ODF2: variants seen among roughly 807,000 people sequenced by gnomAD.
ODF2 encodes outer dense fiber protein 2.
A neutral mutation model predicts 110.2 loss-of-function variants in ODF2; 47 were observed. The observed-to-expected ratio is 0.43, with a 90% CI of 0.34 to 0.54. The LOEUF (loss-of-function observed/expected upper bound fraction) is 0.54, where lower values mean the gene tolerates loss of function less well. ODF2 is among the 20% of genes least tolerant of loss of function. ODF2 has a pLI of 0.03. For synonymous variants in ODF2, 352 were observed against 397.7 expected (o/e 0.89, Z 1.37); for missense variants, 812 against 1,054.5 (o/e 0.77, Z 3.19).
At chr9:128,477,130 G>A (rs570809502) in intron 8 of ODF2, among the ~76,000 whole-genome samples, 16 of 151,640 alleles carry the variant, frequency 1.1e-4, no homozygotes, top group African/African-American at 3.9e-4. Context: ...TACTCGGGAG[G>A]CTGAGGCAGG....
intron 9 of ODF2, 151 bp downstream of exon 9, chr9:128,481,802 T>C: frequency 3.4e-6 from 2 of 590,190 alleles, no homozygotes; most frequent in Non-Finnish European, 5.9e-6. Flanking sequence ...GCTGATGTCC[T>C]CCTGTCACGC....
chr9:128,459,552 T>G lies in ODF2; in HGVS notation c.33-15T>G. The G allele has an allele frequency of 1.2e-6, 2 of 1,610,112 alleles. No homozygotes were observed. Among genetic ancestry groups the G allele is most frequent in the Non-Finnish European group, 1.7e-6 (2 of 1,177,064 alleles). ...AGTTTTCTGCTTACAATCTGGTTCT[T>G]GTGCCTGGGTGCAGGTTTCCATCGT... On this transcript the variant is annotated splice_polypyrimidine_tract_variant and intron_variant, in intron 2 of 20. Transcript: ENST00000604420.
At position 128,485,582 on chromosome 9, in the gene ODF2, C is replaced by T; in HGVS notation, c.1400+108C>T. 1.5e-6 allele frequency: 1 copy of T among 652,056 alleles called. No homozygotes were observed. Among genetic ancestry groups the T allele is most frequent in the Non-Finnish European group, 2.8e-6 (1 of 357,624 alleles). 40.4% of individuals were successfully genotyped at this position (652,056 alleles called of 1,614,324 possible). ...AGGCCACGTGGCTGCTGTTTGTACTCTCCGGGTTGGGGGCTGCACTGGGCT... is the reference window on the plus strand; with the variant it reads ...AGGCCACGTGGCTGCTGTTTGTACTTTCCGGGTTGGGGGCTGCACTGGGCT... On this transcript the variant is annotated intron_variant, in intron 13 of 20. Transcript: ENST00000604420. The surrounding 1 kb of genome is among the most constrained non-coding windows in gnomAD (Gnocchi z 5.0).
chr9:128,486,670 AG>A (rs1266785466), intron 13 of ODF2, among the ~76,000 whole-genome samples: 1 of 152,222 alleles, frequency 6.6e-6, no homozygotes, highest in East Asian at 1.9e-4. Context: ...AGGCAGCAGC[AG>A]GGAGCAGAAG....
At chr9:128,498,724 C>G (rs765580959) in intron 19 of ODF2, 149 bp downstream of exon 19, 8 of 645,648 alleles carry the variant, frequency 1.2e-5, no homozygotes, top group Non-Finnish European at 2.2e-5. Flanking sequence ...GTAGAGGGCT[C>G]AGCACTTGAT....
chr9:128,461,808 T>G (rs940523358), intron 4 of ODF2, among the ~76,000 whole-genome samples: 6 of 152,212 alleles, frequency 3.9e-5, no homozygotes, highest in Admixed American at 2.6e-4. Flanking sequence ...AGTAACTCCT[T>G]GAAGTTTATA....
intron 4 of ODF2, among the ~76,000 whole-genome samples, chr9:128,462,249 C>CAAGCGATTCTCCTA (rs1422604570): frequency 6.6e-6 from 1 of 151,068 alleles, no homozygotes; most frequent in Non-Finnish European, 1.5e-5. Context: ...CCTCCTGGGT[C>CAAGCGATTCTCCTA]AAGCGATTCT....
intron 1 of ODF2, chr9:128,457,154 C>A: frequency 6.7e-7 from 1 of 1,486,814 alleles, no homozygotes; most frequent in Non-Finnish European, 9.0e-7. Context: ...CTCCCCTCTG[C>A]CCCCAGGTCG....
At chr9:128,498,850 G>A (rs1846080752) in intron 19 of ODF2, 151 bp from the exon 20 acceptor site, 1 of 1,086,766 alleles carries the variant, frequency 9.2e-7, no homozygotes, top group East Asian at 2.4e-5. Flanking sequence ...AGTCCCCATA[G>A]TTAGTTCCTG....
chr9:128,489,095 G>T (rs527637819), intron 14 of ODF2, among the ~76,000 whole-genome samples: 144 of 152,328 alleles, frequency 9.5e-4, no homozygotes, highest in African/African-American at 3.4e-3. Flanking sequence ...GGAAGTATCA[G>T]AGTTGAGATT....
upstream of ODF2, chr9:128,456,148 T>C (rs2131374234): frequency 6.5e-7 from 1 of 1,548,704 alleles, no homozygotes. Flanking sequence ...GAGGAGCCGC[T>C]GCCAGAGCCA....
chr9:128,461,602 A>G (rs1836475605), intron 4 of ODF2, among the ~76,000 whole-genome samples: 5 of 152,076 alleles, frequency 3.3e-5, no homozygotes, highest in Non-Finnish European at 5.9e-5. Flanking sequence ...AATTTTTAGT[A>G]GAGATGGGGT....
At chr9:128,492,950 A>G (rs1252735594) in intron 16 of ODF2, 145 bp downstream of exon 16, 4 of 632,680 alleles carry the variant, frequency 6.3e-6, no homozygotes, top group Non-Finnish European at 1.1e-5. Context: ...GGGCTCATCC[A>G]CTCTACCCTG....
At chr9:128,461,910 T>C (rs7032246) in intron 4 of ODF2, among the ~76,000 whole-genome samples, 44,751 of 151,988 alleles carry the variant, frequency 0.29, 7,684 homozygotes, top group East Asian at 0.47. Flanking sequence ...AGTATGGGGC[T>C]TTCTTAGGAT....
chr9:128,498,603 C>G (rs1846046207), intron 19 of ODF2, 28 bp downstream of exon 19: 1 of 1,301,762 alleles, frequency 7.7e-7, no homozygotes, highest in Non-Finnish European at 1.1e-6. Context: ...GAATGACTAG[C>G]TCTGTGACCT....
At chr9:128,456,851 G>T (rs750227438) in intron 1 of ODF2, 56 of 1,299,098 alleles carry the variant, frequency 4.3e-5, no homozygotes, top group Middle Eastern at 2.9e-4. Context: ...CCCGGGGCCC[G>T]TGCAACCTCC....
intron 8 of ODF2, among the ~76,000 whole-genome samples, chr9:128,475,241 T>C (rs1841011451): frequency 2.0e-5 from 3 of 152,180 alleles, no homozygotes; most frequent in Admixed American, 2.0e-4. Flanking sequence ...ACAAATACTG[T>C]GCCATTTTAT....
At chr9:128,466,970 C>T (rs1214064688) in intron 4 of ODF2, among the ~76,000 whole-genome samples, 1 of 89,268 alleles carries the variant, frequency 1.1e-5, no homozygotes. Context: ...GAGCGAGACT[C>T]CATCTCAATT....
intron 8 of ODF2, among the ~76,000 whole-genome samples, chr9:128,474,659 TAA>T (rs751359242): frequency 3.0e-5 from 4 of 134,018 alleles, no homozygotes; most frequent in Admixed American, 7.5e-5. Flanking sequence ...AGACTCCATC[TAA>T]AAAAAAAAAA....
Sources: allele counts gnomAD v4.1 joint callset (sites outside exome capture counted in the v4.1 genomes callset), GRCh38; gene constraint gnomAD v4.1.1; non-coding constraint Gnocchi (gnomAD v3.1); transcripts MANE v1.5; gene names NCBI Gene and HGNC (gene_info 2026-07-23, HGNC 2026-07-21).